The following GSE1 variants were observed in gnomAD, a reference collection of about 807,000 sequenced individuals.
GSE1 encodes Gse1 coiled-coil protein.
GSE1 carries 32 observed loss-of-function variants against 112.6 expected under a neutral mutation model. The ratio of observed to expected loss-of-function variants is 0.28; its 90% CI spans 0.21 to 0.38. GSE1 has a LOEUF of 0.38. Among genes scored for constraint, GSE1 ranks in the 10% least tolerant of loss-of-function variants. GSE1 has a pLI of 1.00. For missense variants in GSE1, 2,348 were observed against 1,699.2 expected (o/e 1.38, Z -6.71); for synonymous variants, 1,115 against 735.6 (o/e 1.52, Z -8.35).
intron 1 of GSE1, among the ~76,000 whole-genome samples, chr16:85,226,509 A>G (rs1480673920): frequency 6.6e-6 from 1 of 152,176 alleles, no homozygotes; most frequent in African/African-American, 2.4e-5. Flanking sequence ...CTGCAGCCAG[A>G]TGGCCTTGGT....
chr16:85,183,060 CTG>C (rs1371094947), intron 1 of GSE1, among the ~76,000 whole-genome samples: 3 of 152,192 alleles, frequency 2.0e-5, no homozygotes, highest in Admixed American at 2.0e-4. Context: ...CACTCATACA[CTG>C]TCTCACACCT....
intron 2 of GSE1, among the ~76,000 whole-genome samples, chr16:85,376,491 G>C (rs1013558897): frequency 7.9e-5 from 12 of 152,254 alleles, no homozygotes; most frequent in Non-Finnish European, 1.6e-4. Context: ...GGCACAGAAA[G>C]AGCCTGTGGC....
intron 2 of GSE1, among the ~76,000 whole-genome samples, chr16:85,404,837 A>C (rs2048236915): frequency 3.7e-5 from 1 of 26,870 alleles, no homozygotes; most frequent in Non-Finnish European, 6.5e-5. Context: ...CCCCTGGATA[A>C]TCCTCACTGT....
intron 2 of GSE1, among the ~76,000 whole-genome samples, chr16:85,445,044 G>C (rs957284525): frequency 2.0e-5 from 3 of 152,236 alleles, no homozygotes; most frequent in African/African-American, 7.2e-5. Flanking sequence ...AGGCAGGGGA[G>C]CGGGGGCTGT....
chr16:85,655,091 C>T (rs2151924465), intron 5 of GSE1, 100 bp downstream of exon 5: 2 of 801,332 alleles, frequency 2.5e-6, no homozygotes, highest in Non-Finnish European at 2.1e-6. Flanking sequence ...GAGAGCCAGG[C>T]TCCTAGGGGA....
chr16:85,611,352 C>G (rs1424183950), upstream of GSE1: 7 of 341,304 alleles, frequency 2.1e-5, no homozygotes, highest in Non-Finnish European at 2.9e-5. Flanking sequence ...CGCCTGGGGC[C>G]GGGTGAATCC....
chr16:85,669,889 T>C (rs1006179725), intron 14 of GSE1, among the ~76,000 whole-genome samples: 2 of 151,524 alleles, frequency 1.3e-5, no homozygotes, highest in Non-Finnish European at 1.5e-5. Flanking sequence ...GCTTCGCCCC[T>C]GTCAGGCATG....
Position 85,404,100 on chromosome 16 carries a change from C to A in GSE1, c.2464+46457C>A, listed in dbSNP as rs527761813. On this transcript the variant is annotated intron_variant, in intron 2 of 2. Transcript: ENST00000637419. The stretch of plus-strand genomic sequence containing the variant: ...AGCTTGTGATTGGACACAGGGCCCC[C>A]CCGGATAATCCTCACTGTTACACTC... Among the ~76,000 whole-genome samples, 12 of 150,718 alleles carry A rather than the reference C, an allele frequency of 8.0e-5. 2 individuals are homozygous for A. The South Asian group carries it at 2.3e-3, about 29-fold the overall frequency.
At chr16:85,380,956 A>C (rs1346962383) in intron 2 of GSE1, among the ~76,000 whole-genome samples, 1 of 152,184 alleles carries the variant, frequency 6.6e-6, no homozygotes, top group Non-Finnish European at 1.5e-5. Context: ...GTTGAGGTAA[A>C]ATTCACCTAA....
chr16:85,441,428 G>C (rs1011944489), intron 2 of GSE1, among the ~76,000 whole-genome samples: 1 of 152,084 alleles, frequency 6.6e-6, no homozygotes, highest in Non-Finnish European at 1.5e-5. Context: ...GCTGAGGTGG[G>C]TGGATCACCT....
At chr16:85,331,361 G>GTATATATATGTATA (rs1299782485) in intron 1 of GSE1, among the ~76,000 whole-genome samples, 1 of 66,978 alleles carries the variant, frequency 1.5e-5, no homozygotes, top group African/African-American at 5.3e-5. Flanking sequence ...GTGTGTGTGT[G>GTATATATATGTATA]TGTGTATATA....
intron 2 of GSE1, among the ~76,000 whole-genome samples, chr16:85,415,480 C>G (rs1353586083): frequency 6.6e-6 from 1 of 152,248 alleles, no homozygotes; most frequent in Non-Finnish European, 1.5e-5. Flanking sequence ...AGATGCAGAG[C>G]TGGCAAACCG....
intron 1 of GSE1, among the ~76,000 whole-genome samples, chr16:85,340,832 C>A (rs1438289350): frequency 6.6e-6 from 1 of 151,774 alleles, no homozygotes; most frequent in Non-Finnish European, 1.5e-5. Flanking sequence ...TGGGACGGTG[C>A]GAGGGTGGGC....
At chr16:85,316,089 C>G (rs2045979916) in intron 1 of GSE1, among the ~76,000 whole-genome samples, 1 of 152,232 alleles carries the variant, frequency 6.6e-6, no homozygotes, top group South Asian at 2.1e-4. Flanking sequence ...ACTGCTGTTT[C>G]CAAAGGGCGA....
intron 1 of GSE1, among the ~76,000 whole-genome samples, chr16:85,560,559 G>T (rs531266932): frequency 4.1e-4 from 63 of 152,314 alleles, no homozygotes; most frequent in African/African-American, 1.5e-3. Context: ...GATGCTGGCT[G>T]CAGGGAGAGC....
chr16:85,642,513 G>C (rs115903988), intron 2 of GSE1, among the ~76,000 whole-genome samples: 2 of 152,292 alleles, frequency 1.3e-5, no homozygotes, highest in South Asian at 4.1e-4. Context: ...GGGGTCTGTC[G>C]CTCACCCATC....
intron 1 of GSE1, among the ~76,000 whole-genome samples, chr16:85,584,599 G>T (rs1048828156): frequency 6.7e-6 from 1 of 150,184 alleles, no homozygotes; most frequent in Non-Finnish European, 1.5e-5. Context: ...CTCCCCGCAC[G>T]CGTTCTTTCT....
intron 7 of GSE1, 73 bp from the exon 8 acceptor site, chr16:85,657,204 G>C: frequency 9.4e-7 from 1 of 1,066,036 alleles, no homozygotes; most frequent in Non-Finnish European, 1.3e-6. Context: ...GGGCAGTTGG[G>C]TGAGAGAGGA....
chr16:85,388,656 A>T (rs1239956227), intron 2 of GSE1, among the ~76,000 whole-genome samples: 1 of 150,406 alleles, frequency 6.6e-6, no homozygotes, highest in African/African-American at 2.5e-5. Flanking sequence ...GGATGGATGG[A>T]TGGATGGATG....
Sources: gnomAD v4.1 joint callset for allele counts (sites outside exome capture counted in the v4.1 genomes callset) on GRCh38, gnomAD v4.1.1 for gene constraint, MANE v1.5 for transcripts, NCBI Gene and HGNC (gene_info 2026-07-23, HGNC 2026-07-21) for gene names.